Variants in SLC36A1 observed in about 807,000 individuals in gnomAD.
SLC36A1 encodes solute carrier family 36 member 1.
Under a neutral mutation model 47.5 loss-of-function variants are expected in SLC36A1, and 30 were observed. The ratio of observed to expected loss-of-function variants is 0.63; its 90% CI spans 0.47 to 0.86. SLC36A1 has a LOEUF of 0.86. Ranked by LOEUF, SLC36A1 falls within the 40% of genes least tolerant of loss-of-function variation. The probability of loss-of-function intolerance (pLI) is 0.00; values close to 1 mark genes in which losing one functional copy is unlikely to be tolerated. For missense variants in SLC36A1, 517 were observed against 606.0 expected (o/e 0.85, Z 1.54); for synonymous variants, 255 against 249.7 (o/e 1.02, Z -0.20).
chr5:151,452,866 T>A, intron 1 of SLC36A1, among the ~76,000 whole-genome samples: 1 of 107,506 alleles, frequency 9.3e-6, no homozygotes, highest in Non-Finnish European at 1.9e-5. Flanking sequence ...GGAGACACCA[T>A]CTCAAAAAAA....
At chr5:151,540,692 G>C in the SLC36A1 span, 3 of 1,614,100 alleles carry the variant, frequency 1.9e-6, no homozygotes, top group Admixed American at 1.7e-5. Flanking sequence ...TCGCGGTCCA[G>C]GGTCTTCCTT....
At chr5:151,505,920 A>T in the SLC36A1 span, 6 of 1,587,676 alleles carry the variant, frequency 3.8e-6, no homozygotes, top group Non-Finnish European at 5.1e-6. Context: ...CTTGTTTTCC[A>T]TCTCCAGGGG....
At chr5:151,506,225 C>T in the SLC36A1 span, 3 of 972,240 alleles carry the variant, frequency 3.1e-6, no homozygotes, top group South Asian at 5.0e-5. Context: ...CCCATCTGTG[C>T]AGGTTGTCTC....
chr5:151,525,842 T>C, the SLC36A1 span: 9 of 1,613,884 alleles, frequency 5.6e-6, no homozygotes, highest in Non-Finnish European at 7.6e-6. Flanking sequence ...CCATCCGGGG[T>C]CACTCGGAAG....
intron 4 of SLC36A1, 63 bp downstream of exon 4, chr5:151,464,665 C>A (rs1756073158): frequency 1.4e-6 from 2 of 1,409,874 alleles, no homozygotes; most frequent in Non-Finnish European, 2.0e-6. Context: ...GTTATCAACC[C>A]TGAAAATGAG....
At chr5:151,372,736 C>T in the SLC36A1 span, among the ~76,000 whole-genome samples, 311 of 152,138 alleles carry the variant, frequency 2.0e-3, 1 homozygote, top group Middle Eastern at 3.4e-3. Flanking sequence ...GCATGAGCCA[C>T]CACTAAGAAT....
the SLC36A1 span, among the ~76,000 whole-genome samples, chr5:151,377,112 T>G: frequency 6.6e-6 from 1 of 152,224 alleles, no homozygotes; most frequent in South Asian, 2.1e-4. Context: ...AAAAATTTAT[T>G]GAGACTGATT....
At chr5:151,465,250 T>C (rs1486000645) in intron 5 of SLC36A1, 81 bp downstream of exon 5, 7 of 1,100,864 alleles carry the variant, frequency 6.4e-6, no homozygotes, top group Admixed American at 3.5e-5. Flanking sequence ...TGGGAGACAG[T>C]GTAAAGCGTG....
At chr5:151,537,606 G>A in the SLC36A1 span, among the ~76,000 whole-genome samples, 8 of 152,090 alleles carry the variant, frequency 5.3e-5, no homozygotes, top group Non-Finnish European at 1.0e-4. Context: ...GATTATAAAG[G>A]CCCAAATCTT....
At chr5:151,432,286 G>A (rs1759399180), upstream of SLC36A1, among the ~76,000 whole-genome samples, 2 of 152,192 alleles carry the variant, frequency 1.3e-5, no homozygotes, top group South Asian at 2.1e-4. Context: ...AGGCATGAGT[G>A]TATAACAAAA....
At chr5:151,395,681 C>T in the SLC36A1 span, among the ~76,000 whole-genome samples, 1 of 152,140 alleles carries the variant, frequency 6.6e-6, no homozygotes, top group Admixed American at 6.5e-5. Flanking sequence ...TGTCAGGATT[C>T]CTTGTACCTG....
At chr5:151,421,580 CT>C in the SLC36A1 span, among the ~76,000 whole-genome samples, 1,327 of 134,634 alleles carry the variant, frequency 9.9e-3, 4 homozygotes, top group African/African-American at 0.016. Context: ...TTCTTTCTTT[CT>C]TTTTTTTTTT....
the SLC36A1 span, chr5:151,543,902 T>C: frequency 6.2e-7 from 1 of 1,614,222 alleles, no homozygotes; most frequent in Non-Finnish European, 8.5e-7. Flanking sequence ...GAGGTGTCTC[T>C]GCTGTCAGGG....
At chr5:151,387,652 A>C in the SLC36A1 span, among the ~76,000 whole-genome samples, 12 of 152,206 alleles carry the variant, frequency 7.9e-5, no homozygotes, top group African/African-American at 2.6e-4. Flanking sequence ...CCAGGGCTGG[A>C]GTGTAGTGGC....
the SLC36A1 span, among the ~76,000 whole-genome samples, chr5:151,522,444 G>A: frequency 2.6e-5 from 4 of 152,144 alleles, no homozygotes; most frequent in Non-Finnish European, 5.9e-5. Flanking sequence ...CCTCAAGGGC[G>A]CCCTCAGATG....
chr5:151,401,169 T>G, the SLC36A1 span, among the ~76,000 whole-genome samples: 2 of 152,226 alleles, frequency 1.3e-5, no homozygotes, highest in African/African-American at 2.4e-5. Context: ...ATTTAAAGCT[T>G]TAATCCATCT....
At chr5:151,393,581 C>G in the SLC36A1 span, among the ~76,000 whole-genome samples, 1 of 152,192 alleles carries the variant, frequency 6.6e-6, no homozygotes, top group African/African-American at 2.4e-5. Context: ...TTCAGGAGCT[C>G]TTTTAGGGCA....
At chr5:151,441,309 G>A (rs1455868210) in intron 1 of SLC36A1, among the ~76,000 whole-genome samples, 1 of 152,118 alleles carries the variant, frequency 6.6e-6, no homozygotes, top group Non-Finnish European at 1.5e-5. Context: ...GAAACAAAAG[G>A]CAAAGAAATG....
chr5:151,550,554 C>G, the SLC36A1 span: 1 of 1,609,046 alleles, frequency 6.2e-7, no homozygotes, highest in Non-Finnish European at 8.5e-7. Flanking sequence ...CATCTACATG[C>G]AAACGTATTC....
Sources: allele counts gnomAD v4.1 joint callset (sites outside exome capture counted in the v4.1 genomes callset), GRCh38; gene constraint gnomAD v4.1.1; transcripts MANE v1.5; gene names NCBI Gene and HGNC (gene_info 2026-07-23, HGNC 2026-07-21).